Variants in G2E3 observed in about 807,000 individuals in gnomAD.
G2E3 encodes the protein G2/M phase-specific E3 ubiquitin-protein ligase.
Under a neutral mutation model 92.8 loss-of-function variants are expected in G2E3, and 35 were observed. The observed-to-expected ratio is 0.38, with a 90% CI of 0.29 to 0.50. The LOEUF (loss-of-function observed/expected upper bound fraction) is 0.50, where lower values mean the gene tolerates loss of function less well. G2E3 is among the 20% of genes least tolerant of loss of function. G2E3 has a pLI of 0.94. For missense variants in G2E3, 554 were observed against 823.8 expected, an observed-to-expected ratio of 0.67 and a Z score of 4.01; for synonymous variants, 242 against 272.4, an observed-to-expected ratio of 0.89 and a Z score of 1.10.
intron 4 of G2E3, among the ~76,000 whole-genome samples, chr14:30,590,204 G>T (rs371193633): frequency 6.6e-6 from 1 of 152,264 alleles, no homozygotes; most frequent in South Asian, 2.1e-4. Flanking sequence ...TTTCATGGGG[G>T]AGCATTTTGG....
intron 1 of G2E3, chr14:30,573,643 C>G (rs1879907673): frequency 6.6e-6 from 1 of 152,034 alleles, no homozygotes; most frequent in Non-Finnish European, 1.5e-5. Flanking sequence ...GCCTGAGAAC[C>G]AGGAACACCA....
intron 1 of G2E3, chr14:30,560,111 CT>C (rs370460196): frequency 3.4e-3 from 490 of 143,106 alleles, no homozygotes; most frequent in African/African-American, 8.9e-3. Flanking sequence ...TTGTTTTGGG[CT>C]TTTTTTTTTT....
chr14:30,606,128 T>C (rs1881820443), intron 11 of G2E3, among the ~76,000 whole-genome samples: 1 of 152,174 alleles, frequency 6.6e-6, no homozygotes, highest in African/African-American at 2.4e-5. Context: ...GGATGATTAT[T>C]TGAATTCTTC....
chr14:30,586,597 A>G (rs1276004504), intron 2 of G2E3, 121 bp from the exon 3 acceptor site: 8 of 446,948 alleles, frequency 1.8e-5, no homozygotes, highest in Non-Finnish European at 3.2e-5. Context: ...ACTGATATCA[A>G]TATTATATGA....
intron 10 of G2E3, among the ~76,000 whole-genome samples, chr14:30,602,409 A>C (rs1398080298): frequency 6.6e-6 from 1 of 151,586 alleles, no homozygotes; most frequent in Non-Finnish European, 1.5e-5. Flanking sequence ...TATCTATCCT[A>C]ATTATTTTTT....
In G2E3 at chr14:30,601,838, G is replaced by A. The variant is rs374851129; in HGVS notation, c.821G>A (p.Arg274Gln). 3.4e-5 allele frequency: 55 copies of A among 1,613,730 alleles called. No homozygotes were observed. The highest frequency in any genetic ancestry group is 8.9e-5 in the East Asian group (4 of 44,880). Residue 274 changes from arginine to glutamine, a missense_variant, in exon 9 of 15, where the codon CGG becomes CAG. Arg to Gln is a conservative substitution (Grantham distance 43). Around this residue, in one of 3 missense-constraint regions of G2E3, gnomAD observed 397 missense variants for 560.3 expected, o/e 0.71. Transcript: ENST00000206595. Reference sequence around the variant, plus strand: ...ACACATTTAGCCTGCTCCTCATTACGGTCATGGGAGCAAAATTGGGAGTGT... The same window carrying A: ...ACACATTTAGCCTGCTCCTCATTACAGTCATGGGAGCAAAATTGGGAGTGT... Reference protein sequence around the residue: ...SGTHLACSSLRSWEQNWECLE... With the variant: ...SGTHLACSSLQSWEQNWECLE...
rs373078660 is a variant in G2E3 at position 30,602,085 on chromosome 14, A to G, written c.964A>G (p.Lys322Glu). 3.8e-5 allele frequency: 61 copies of G among 1,611,224 alleles called. No individual in the cohort carries two copies. Among genetic ancestry groups the G allele is most frequent in the Non-Finnish European group, 4.8e-5 (57 of 1,177,640 alleles). ...TDCLLEESSP[K>E]LPRQSPGSQS... ...TTGTTTGTTGGAAGAGTCATCACCTAAATTACCCAGACAGTCACCTGGATC... is the reference window on the plus strand; with the variant it reads ...TTGTTTGTTGGAAGAGTCATCACCTGAATTACCCAGACAGTCACCTGGATC... Residue 322 changes from lysine to glutamate, a missense_variant, in exon 10 of 15, where the codon AAA becomes GAA. This residue lies in a region of G2E3 where 397 missense variants were observed against 560.3 expected (regional missense o/e 0.71). Transcript: ENST00000206595.
intron 1 of G2E3, chr14:30,559,858 G>C (rs1878984890): frequency 6.6e-6 from 1 of 152,068 alleles, no homozygotes; most frequent in African/African-American, 2.4e-5. Flanking sequence ...TTTAAAACCC[G>C]GATATTTTTC....
At chr14:30,596,278 TTATTGTAATCC>T (rs1453220333) in intron 6 of G2E3, among the ~76,000 whole-genome samples, 2 of 152,104 alleles carry the variant, frequency 1.3e-5, no homozygotes, top group African/African-American at 2.4e-5. Context: ...TGTATCCTTT[TTATTGTAATCC>T]TACTCTCACT....
chr14:30,582,439 G>A (rs1022907202), intron 2 of G2E3, among the ~76,000 whole-genome samples: 9 of 152,210 alleles, frequency 5.9e-5, no homozygotes, highest in African/African-American at 2.2e-4. Context: ...GGTAGAGGGA[G>A]ACAAGGGGAG....
intron 1 of G2E3, chr14:30,574,520 C>T (rs7159972): frequency 6.6e-6 from 1 of 151,492 alleles, no homozygotes; most frequent in African/African-American, 2.4e-5. Context: ...ATTTCATCAC[C>T]CAGGTATTAA....
chr14:30,565,353 T>C (rs1879364666), intron 1 of G2E3, among the ~76,000 whole-genome samples: 1 of 152,200 alleles, frequency 6.6e-6, no homozygotes, highest in African/African-American at 2.4e-5. Context: ...GAGTTTCTAA[T>C]GTATTCTAGA....
intron 1 of G2E3, chr14:30,559,637 C>A (rs1280216981): frequency 6.6e-6 from 1 of 152,162 alleles, no homozygotes; most frequent in Non-Finnish European, 1.5e-5. Flanking sequence ...AGTTAAATCT[C>A]ACTGTGAAGG....
intron 1 of G2E3, chr14:30,577,767 A>G (rs1427059382): frequency 6.6e-6 from 1 of 152,222 alleles, no homozygotes; most frequent in African/African-American, 2.4e-5. Context: ...CACTAAGCAC[A>G]TCTACAATCA....
At chr14:30,561,868 G>T (rs1879120992) in intron 1 of G2E3, among the ~76,000 whole-genome samples, 1 of 150,400 alleles carries the variant, frequency 6.6e-6, no homozygotes. Context: ...TTTAAGGCTT[G>T]GCTTTTTTCT....
chr14:30,560,458 G>A lies in G2E3; in HGVS notation c.-5+1186G>A, dbSNP rs229177. On this transcript the variant is annotated intron_variant, in intron 1 of 14. Transcript: ENST00000206595. ...CAGCACCCCCATTCTTCCTGCTATT[G>A]AACTTTTAAGTGTTAGCCAGGAAGA... 9.8e-3 allele frequency: 2,517 copies of A among 256,926 alleles called. 65 individuals carry two copies. Among genetic ancestry groups the A allele is most frequent in the African/African-American group, 0.051 (2,289 of 45,114 alleles). The allele number at this position is 256,926 out of a possible 1,614,324, so 15.9% of individuals were successfully genotyped here. A position where few individuals can be genotyped will look rare whatever the true frequency, so the allele number is the denominator to read the frequency against.
rs1030961396 is a variant in G2E3, at chr14:30,618,931, T to C, written c.*2397T>C. 1.3e-5 allele frequency: 2 copies of C among 152,122 alleles called. No individual in the cohort carries two copies. The highest frequency in any genetic ancestry group is 2.9e-5 in the Non-Finnish European group (2 of 67,934). The allele number at this position is 152,122 out of a possible 1,614,324, so 9.4% of individuals were successfully genotyped here. ...TACATATATTTCTTAAATATTGCAA[T>C]TGCCTAAATGTTGTATATTTTAAGG... is the stretch of plus-strand genomic sequence containing the variant. On this transcript the variant is annotated 3_prime_UTR_variant, in exon 15 of 15. Coordinates refer to ENST00000206595, the MANE Select transcript of G2E3 (RefSeq NM_017769.5).
Position 30,605,550 on chromosome 14 carries a change from G to A in G2E3, c.1056G>A (p.Glu352=). Residue 352 remains glutamate, a synonymous_variant, in exon 11 of 15, where the codon GAG becomes GAA. Transcript: ENST00000206595. ...GAAATGTATCAACACTATTAATAGA[G>A]TTAGGATTCCAAATTAAAAAAAAAA... The part of the protein sequence containing the change: ...FRRNVSTLLI[E]LGFQIKKKTK... 6.8e-7 allele frequency: 1 copy of A among 1,471,550 alleles called. No homozygotes were observed. The highest frequency in any genetic ancestry group is 1.2e-5 in the South Asian group (1 of 82,256). 91.2% of individuals were successfully genotyped at this position (1,471,550 alleles called of 1,614,324 possible).
intron 8 of G2E3, among the ~76,000 whole-genome samples, chr14:30,599,490 G>C (rs2138874072): frequency 6.6e-6 from 1 of 152,256 alleles, no homozygotes; most frequent in African/African-American, 2.4e-5. Context: ...GCCTCCCAAA[G>C]TGCTGGGATT....
Sources: gnomAD v4.1 joint callset for allele counts (sites outside exome capture counted in the v4.1 genomes callset) on GRCh38, gnomAD v4.1.1 for gene constraint, gnomAD v4.1.1 regional missense constraint, MANE v1.5 for transcripts, NCBI Gene and HGNC (gene_info 2026-07-23, HGNC 2026-07-21) for gene names.